The following CORO7 variants were observed in gnomAD, a reference collection of about 807,000 sequenced individuals.
CORO7 encodes the protein coronin 7, also known as coronin-7.
In CORO7, 107 loss-of-function variants were observed where a neutral mutation model predicts 126.6. The ratio of observed to expected loss-of-function variants is 0.85; its 90% CI spans 0.72 to 0.99. CORO7 has a LOEUF of 0.99. CORO7 is among the 50% of genes least tolerant of loss of function. CORO7 has a pLI of 0.00. For synonymous variants in CORO7, 603 were observed against 536.8 expected, an observed-to-expected ratio of 1.12 and a Z score of -1.70; for missense variants, 1,314 against 1,255.8, an observed-to-expected ratio of 1.05 and a Z score of -0.70.
chr16:4,411,876 G>C (rs1198089033), intron 3 of CORO7, among the ~76,000 whole-genome samples: 1 of 151,884 alleles, frequency 6.6e-6, no homozygotes, highest in Non-Finnish European at 1.5e-5. Flanking sequence ...TGCCAGGCAG[G>C]CTGCTGGACG....
chr16:4,416,380 C>A, intron 1 of CORO7, 79 bp downstream of exon 1: 2 of 1,453,426 alleles, frequency 1.4e-6, no homozygotes, highest in East Asian at 2.8e-5. Context: ...TGGAGGGCAC[C>A]CCTGTGGGGT....
intron 7 of CORO7, 54 bp downstream of exon 7, chr16:4,395,235 G>A: frequency 6.2e-7 from 1 of 1,612,978 alleles, no homozygotes; most frequent in Non-Finnish European, 8.5e-7. Flanking sequence ...GAACCACTGG[G>A]TCCTCAGCCT....
At chr16:4,371,840 A>T (rs1050475690) in intron 9 of CORO7, 2 of 151,898 alleles carry the variant, frequency 1.3e-5, no homozygotes, top group East Asian at 1.9e-4. Context: ...ACCTGCCTCC[A>T]GCGAGCCGAC....
chr16:4,380,733 C>A (rs571735496), intron 9 of CORO7: 1 of 1,010,532 alleles, frequency 9.9e-7, no homozygotes, highest in East Asian at 2.7e-5. Context: ...GGGGCACTGG[C>A]GACCTGACTC....
At chr16:4,405,444 G>T (rs141598577) in intron 6 of CORO7, 47 bp downstream of exon 6, 1 of 1,574,088 alleles carries the variant, frequency 6.4e-7, no homozygotes. Flanking sequence ...TCCCAGCCCA[G>T]GAGGCCTGCA....
chr16:4,357,825 G>T, intron 25 of CORO7, 143 bp downstream of exon 25: 1 of 1,422,990 alleles, frequency 7.0e-7, no homozygotes, highest in Non-Finnish European at 9.3e-7. Context: ...CACTGGCTCA[G>T]AGACTGATTG....
chr16:4,412,218 C>T, intron 3 of CORO7, 138 bp downstream of exon 3: 1 of 909,838 alleles, frequency 1.1e-6, no homozygotes, highest in Admixed American at 2.0e-5. Context: ...CCCACTGTCT[C>T]TCAGAGAGTG....
At position 4,405,501 on chromosome 16, in the gene CORO7, G is replaced by A. The variant is rs778533107; in HGVS notation, c.554C>T (p.Thr185Met). ...CACCTGCCTGCTCACCTTGCACGCC[G>A]TGCCCACCAGGGCTCCATCTCGGCT... The part of the protein sequence containing the change: ...VWSRDGALVG[T>M]ACKDKQLRIF... The change falls in exon 6 of 28, where the codon ACG (threonine) becomes ATG (methionine). Residue 185 changes from threonine (T) to methionine (M), a missense_variant. Coordinates refer to ENST00000251166, the MANE Select transcript of CORO7 (RefSeq NM_024535.5). The A allele has an allele frequency of 5.0e-6, 8 of 1,612,264 alleles. No homozygotes were observed. Among genetic ancestry groups the A allele is most frequent in the Admixed American group, 3.3e-5 (2 of 59,976 alleles).
Position 4,364,441 on chromosome 16 carries a change from G to T in CORO7, c.1138-28C>A, listed in dbSNP as rs1201605395. On this transcript the variant is annotated intron_variant, in intron 13 of 27. Coordinates refer to ENST00000251166, the MANE Select transcript of CORO7 (RefSeq NM_024535.5). ...GCATGGAGGCCGGCAGTGGGGAGATGGGGGCATGGGCTGCCCGGTCAGGAG... is the reference window on the plus strand; with the variant it reads ...GCATGGAGGCCGGCAGTGGGGAGATTGGGGCATGGGCTGCCCGGTCAGGAG... 4.7e-6 allele frequency: 7 copies of T among 1,487,068 alleles called. No homozygotes were observed. In the Admixed American group the frequency reaches 7.2e-5, roughly 15 times the overall value. The allele number at this position is 1,487,068 out of a possible 1,614,324, so 92.1% of individuals were successfully genotyped here. A position where few individuals can be genotyped will look rare whatever the true frequency, so the allele number is the denominator to read the frequency against.
Position 4,362,731 on chromosome 16 carries a change from A to G in CORO7, c.1283T>C (p.Phe428Ser). 1 of 1,428,888 alleles carries G rather than the reference A, an allele frequency of 7.0e-7. No homozygotes were observed. The highest frequency in any genetic ancestry group is 9.2e-7 in the Non-Finnish European group (1 of 1,086,486). The allele number at this position is 1,428,888 out of a possible 1,614,324, so 88.5% of individuals were successfully genotyped here. A position where few individuals can be genotyped will look rare whatever the true frequency, so the allele number is the denominator to read the frequency against. Residue 428 changes from phenylalanine (F) to serine (S), a missense_variant, in exon 15 of 28, where the codon TTC becomes TCC. Coordinates refer to ENST00000251166, the MANE Select transcript of CORO7 (RefSeq NM_024535.5). The surrounding 1 kb of genome is among the most constrained non-coding windows in gnomAD (Gnocchi z 5.3). ...PVGDADASEG[F>S]SSPPSSLTSP... ...GGTCAGCGAACTGGGAGGGGAAGAG[A>G]AACCCTCCTGGGGAGGGGCATGGGG...
chr16:4,399,660 C>T (rs559906823), intron 6 of CORO7, among the ~76,000 whole-genome samples: 24 of 152,086 alleles, frequency 1.6e-4, no homozygotes, highest in Admixed American at 6.6e-4. Context: ...GAGGTCAAGG[C>T]GGGAGGATCA....
intron 9 of CORO7, chr16:4,381,000 C>T (rs760022725): frequency 1.4e-5 from 22 of 1,608,296 alleles, no homozygotes; most frequent in Non-Finnish European, 1.6e-5. Context: ...GCACTGCCCG[C>T]CAGGGGACCA....
chr16:4,371,040 G>T (rs947214891), intron 9 of CORO7, among the ~76,000 whole-genome samples: 1 of 152,140 alleles, frequency 6.6e-6, no homozygotes. Flanking sequence ...CCTGGCACCC[G>T]CCCCTCCTGC....
In CORO7 at chr16:4,361,978, C is replaced by T. The variant is rs747551534; in HGVS notation, c.1578+7G>A. 13 of 1,597,552 alleles carry T rather than the reference C, an allele frequency of 8.1e-6. No individual in the cohort carries two copies. The highest frequency in any genetic ancestry group is 1.1e-5 in the Non-Finnish European group (13 of 1,172,898). On this transcript the variant is annotated splice_region_variant and intron_variant, in intron 16 of 27. Coordinates refer to ENST00000251166, the MANE Select transcript of CORO7 (RefSeq NM_024535.5). ...GAGGGGCAGCCCTGGTGGGGTGGGG[C>T]CCTCACCTCAAGCACAGCCACCTGT...
At chr16:4,406,948 T>A (rs895802741) in intron 5 of CORO7, among the ~76,000 whole-genome samples, 1 of 150,382 alleles carries the variant, frequency 6.6e-6, no homozygotes, top group Non-Finnish European at 1.5e-5. Flanking sequence ...CAAAGTTATT[T>A]TTTATTTTTA....
At chr16:4,410,701 G>A (rs908351617) in intron 3 of CORO7, among the ~76,000 whole-genome samples, 1 of 152,144 alleles carries the variant, frequency 6.6e-6, no homozygotes, top group Non-Finnish European at 1.5e-5. Flanking sequence ...CGTGAGATGC[G>A]CAAAAGAGGC....
At position 4,366,458 on chromosome 16, in the gene CORO7, G is replaced by A. The variant is rs559875051; in HGVS notation, c.786-913C>T. On this transcript the variant is annotated intron_variant, in intron 9 of 27. Coordinates refer to ENST00000251166, the MANE Select transcript of CORO7 (RefSeq NM_024535.5). ...TTCCCACTCCAGGGCCTTTTGAGGG[G>A]AATGGGGACCTGGAAGGACTCTGAC... Among the ~76,000 whole-genome samples the A allele has an allele frequency of 3.9e-5, 6 of 152,140 alleles. No individual in the cohort carries two copies. In the South Asian group the frequency reaches 1.2e-3, roughly 32 times the overall value.
intron 9 of CORO7, chr16:4,382,045 C>A: frequency 6.3e-7 from 1 of 1,592,946 alleles, no homozygotes; most frequent in Non-Finnish European, 8.5e-7. Flanking sequence ...CACTGAGGCC[C>A]CCAGCCCGCC....
At chr16:4,381,890 T>G in intron 9 of CORO7, 1 of 1,605,606 alleles carries the variant, frequency 6.2e-7, no homozygotes, top group Non-Finnish European at 8.5e-7. Flanking sequence ...GCTGGCCGGC[T>G]GCTCCTGGAG....
Sources: allele counts gnomAD v4.1 joint callset (sites outside exome capture counted in the v4.1 genomes callset), GRCh38; gene constraint gnomAD v4.1.1; non-coding constraint Gnocchi (gnomAD v3.1); transcripts MANE v1.5; gene names NCBI Gene and HGNC (gene_info 2026-07-23, HGNC 2026-07-21).